SH3PXD2A: variants seen among roughly 807,000 people sequenced by gnomAD.
SH3PXD2A encodes SH3 and PX domains 2A, also known as SH3 and PX domain-containing protein 2A.
SH3PXD2A carries 32 observed loss-of-function variants against 115.2 expected under a neutral mutation model. The observed-to-expected ratio is 0.28, with a 90% CI of 0.21 to 0.37. The LOEUF (loss-of-function observed/expected upper bound fraction) is 0.37, where lower values mean the gene tolerates loss of function less well. SH3PXD2A is among the 10% of genes least tolerant of loss of function. SH3PXD2A has a pLI of 1.00. For missense variants in SH3PXD2A, 1,328 were observed against 1,498.7 expected, an observed-to-expected ratio of 0.89 and a Z score of 1.88; for synonymous variants, 610 against 629.1, an observed-to-expected ratio of 0.97 and a Z score of 0.45.
rs372693666 is a variant in SH3PXD2A at position 103,613,203 on chromosome 10, G to A, written c.921-13C>T. ...TTTGCCCAGGTATCTGTGGGGAGGA[G>A]CAGGATGTGCTATCATTAGAGCACT... On this transcript the variant is annotated splice_polypyrimidine_tract_variant and intron_variant, in intron 11 of 14. Coordinates refer to ENST00000369774, the MANE Select transcript of SH3PXD2A (RefSeq NM_001394015.1). 4 of 1,571,936 alleles carry A rather than the reference G, an allele frequency of 2.5e-6. No individual in the cohort carries two copies. In the African/African-American group the frequency reaches 5.5e-5, roughly 21 times the overall value.
chr10:103,691,002 C>T (rs1390961843), intron 6 of SH3PXD2A, among the ~76,000 whole-genome samples: 1 of 152,160 alleles, frequency 6.6e-6, no homozygotes, highest in Non-Finnish European at 1.5e-5. Flanking sequence ...GTTGGCTTTC[C>T]CTGGGGGAGG....
At chr10:103,692,932 C>CCA in intron 6 of SH3PXD2A, 96 bp downstream of exon 6, 1 of 1,001,540 alleles carries the variant, frequency 1.0e-6, no homozygotes, top group Non-Finnish European at 1.5e-6. Context: ...ACAACCCCCC[C>CCA]CTCCCCGCCC....
At position 103,663,801 on chromosome 10, in the gene SH3PXD2A, G is replaced by C. The variant is rs1238339867; in HGVS notation, c.473-2687C>G. ...CAGGGAAAGAAACCCACTGCCCCCC[G>C]GCAGTTTTCTCCCATGAGGTGTGGG... On this transcript the variant is annotated intron_variant, in intron 7 of 14. Coordinates refer to ENST00000369774, the MANE Select transcript of SH3PXD2A (RefSeq NM_001394015.1). Among the ~76,000 whole-genome samples, 4 of 152,236 alleles carry C rather than the reference G, an allele frequency of 2.6e-5. No individual in the cohort carries two copies. The East Asian group carries it at 5.8e-4, about 22-fold the overall frequency.
At chr10:103,664,430 C>T (rs2037356418) in intron 7 of SH3PXD2A, among the ~76,000 whole-genome samples, 1 of 152,180 alleles carries the variant, frequency 6.6e-6, no homozygotes, top group Non-Finnish European at 1.5e-5. Flanking sequence ...CCTGTGATGG[C>T]CCCGTTTCAC....
In SH3PXD2A at chr10:103,596,713, G is replaced by A. The variant is rs905859526; in HGVS notation, c.*5103C>T. On this transcript the variant is annotated 3_prime_UTR_variant, in exon 15 of 15. Coordinates refer to ENST00000369774, the MANE Select transcript of SH3PXD2A (RefSeq NM_001394015.1). The stretch of plus-strand genomic sequence containing the variant: ...CAACACATGGCCCTCAAAAAAGTGA[G>A]GGAATCTTAATTATTTAGCAATGTG... 1.5e-5 allele frequency: 2 copies of A among 130,074 alleles called. No individual in the cohort carries two copies. The highest frequency in any genetic ancestry group is 1.7e-5 in the Non-Finnish European group (1 of 57,666). The allele number at this position is 130,074 out of a possible 1,614,324, so 8.1% of individuals were successfully genotyped here. A position where few individuals can be genotyped will look rare whatever the true frequency, so the allele number is the denominator to read the frequency against.
intron 6 of SH3PXD2A, among the ~76,000 whole-genome samples, chr10:103,680,405 A>G (rs2037593253): frequency 6.6e-6 from 1 of 151,918 alleles, no homozygotes; most frequent in Non-Finnish European, 1.5e-5. Context: ...TGCCCTCCCG[A>G]GTAGCTGAAA....
chr10:103,834,997 C>T (rs2039518631), intron 1 of SH3PXD2A, among the ~76,000 whole-genome samples: 1 of 152,236 alleles, frequency 6.6e-6, no homozygotes, highest in Admixed American at 6.5e-5. Context: ...AACATTTGTG[C>T]TGCTCAGGCT....
intron 5 of SH3PXD2A, among the ~76,000 whole-genome samples, chr10:103,702,600 T>TGTGTGTGTGTGTGTGTGC (rs2037931599): frequency 6.7e-6 from 1 of 150,346 alleles, no homozygotes; most frequent in African/African-American, 2.5e-5. Flanking sequence ...TGTGTGCGTG[T>TGTGTGTGTGTGTGTGTGC]GTGTGTGTGT....
intron 3 of SH3PXD2A, among the ~76,000 whole-genome samples, chr10:103,738,980 G>GA (rs112365719): frequency 0.32 from 48,774 of 151,894 alleles, 9,533 homozygotes; most frequent in African/African-American, 0.55. Context: ...TTTTAGTAGA[G>GA]TGGGGTTTCT....
chr10:103,656,703 G>T (rs188548778), intron 8 of SH3PXD2A, among the ~76,000 whole-genome samples: 29 of 152,072 alleles, frequency 1.9e-4, no homozygotes, highest in Non-Finnish European at 3.1e-4. Flanking sequence ...GGTAGCAGGT[G>T]CCTGTAATCC....
At chr10:103,777,311 A>G (rs1156972766) in intron 2 of SH3PXD2A, among the ~76,000 whole-genome samples, 1 of 152,258 alleles carries the variant, frequency 6.6e-6, no homozygotes, top group African/African-American at 2.4e-5. Context: ...AGGAAACTAC[A>G]ACCCTGAGGT....
chr10:103,852,424 C>A (rs1247276407), intron 1 of SH3PXD2A, among the ~76,000 whole-genome samples: 1 of 152,254 alleles, frequency 6.6e-6, no homozygotes, highest in African/African-American at 2.4e-5. Context: ...GGGCCCCAGG[C>A]CTCTCATCGG....
Position 103,602,093 on chromosome 10 carries a change from T to C in SH3PXD2A, c.3125A>G (p.Asp1042Gly). 6.3e-7 allele frequency: 1 copy of C among 1,595,274 alleles called. No homozygotes were observed. The change falls in exon 15 of 15, where the codon GAC (aspartate) becomes GGC (glycine). Residue 1042 changes from aspartate to glycine, a missense_variant. Around this residue, in one of 5 missense-constraint regions of SH3PXD2A, gnomAD observed 574 missense variants for 565.7 expected, o/e 1.01. Transcript: ENST00000369774. Reference protein sequence around the residue: ...LAERAASQGSDSPLLPAQRNS... With the variant: ...LAERAASQGSGSPLLPAQRNS... ...GCGCTGGGCGGGCAGTAGGGGTGAGTCTGAACCCTGGCTGGCAGCCCGTTC... is the reference window on the plus strand; with the variant it reads ...GCGCTGGGCGGGCAGTAGGGGTGAGCCTGAACCCTGGCTGGCAGCCCGTTC...
intron 3 of SH3PXD2A, among the ~76,000 whole-genome samples, chr10:103,759,659 C>T (rs924719484): frequency 1.3e-5 from 2 of 152,228 alleles, no homozygotes; most frequent in African/African-American, 4.8e-5. Flanking sequence ...CACTCTACTT[C>T]ATGTCGTAAT....
In SH3PXD2A at chr10:103,759,790, C is replaced by A. The variant is rs114833905; in HGVS notation, c.229+7304G>T. Among the ~76,000 whole-genome samples, 994 of 152,334 alleles carry A rather than the reference C, an allele frequency of 6.5e-3. 14 individuals are homozygous for A. Among genetic ancestry groups the A allele is most frequent in the African/African-American group, 0.023 (948 of 41,574 alleles). ...TCCACAGTCATCTTCTAAAACAAGG[C>A]AGAAAATTCCAAGTAAACAGTAGGC... On this transcript the variant is annotated intron_variant, in intron 3 of 14. Coordinates refer to ENST00000369774, the MANE Select transcript of SH3PXD2A (RefSeq NM_001394015.1).
intron 5 of SH3PXD2A, among the ~76,000 whole-genome samples, chr10:103,716,397 C>T (rs980329989): frequency 4.6e-5 from 7 of 152,190 alleles, no homozygotes; most frequent in Non-Finnish European, 8.8e-5. Flanking sequence ...CCAGGTCCCT[C>T]GGAACATTGG....
rs925295425 is a variant in SH3PXD2A at position 103,684,753 on chromosome 10, G to C, written c.427+8275C>G. Among the ~76,000 whole-genome samples the C allele has an allele frequency of 4.6e-5, 7 of 152,152 alleles. No homozygotes were observed. In the East Asian group the frequency reaches 1.4e-3, roughly 29 times the overall value. On this transcript the variant is annotated intron_variant, in intron 6 of 14. Coordinates refer to ENST00000369774, the MANE Select transcript of SH3PXD2A (RefSeq NM_001394015.1). ...CTCATAAAAAGGAAAATTAGGCTGT[G>C]TGCTGCGGTTCACACCTGTAATCCC...
chr10:103,823,210 A>T (rs1230567199), intron 1 of SH3PXD2A, among the ~76,000 whole-genome samples: 1 of 152,240 alleles, frequency 6.6e-6, no homozygotes, highest in African/African-American at 2.4e-5. Flanking sequence ...CTCAAAATCT[A>T]GGTAGCCTAG....
intron 2 of SH3PXD2A, among the ~76,000 whole-genome samples, chr10:103,800,699 G>T (rs2039138555): frequency 6.6e-6 from 1 of 152,194 alleles, no homozygotes; most frequent in Non-Finnish European, 1.5e-5. Flanking sequence ...GGGGGTGTCT[G>T]CAGGGGTAGC....
Sources: allele counts gnomAD v4.1 joint callset (sites outside exome capture counted in the v4.1 genomes callset), GRCh38; gene constraint gnomAD v4.1.1; regional missense constraint gnomAD v4.1.1; transcripts MANE v1.5; gene names NCBI Gene and HGNC (gene_info 2026-07-23, HGNC 2026-07-21).